Variants in PTK2 observed in about 807,000 individuals in gnomAD.
PTK2 encodes the protein focal adhesion kinase 1.
PTK2 carries 45 observed loss-of-function variants against 150.1 expected under a neutral mutation model. The observed-to-expected ratio is 0.30, with a 90% CI of 0.24 to 0.38. The LOEUF (loss-of-function observed/expected upper bound fraction) is 0.38, where lower values mean the gene tolerates loss of function less well. PTK2 is among the 10% of genes least tolerant of loss of function. The pLI, the probability that PTK2 is intolerant of heterozygous loss-of-function variation, is 1.00. For missense variants in PTK2, 919 were observed against 1,307.3 expected (o/e 0.70, Z 4.58); for synonymous variants, 432 against 449.2 (o/e 0.96, Z 0.48).
intron 31 of PTK2, 57 bp from the exon 36 acceptor site, chr8:140,659,735 T>A: frequency 1.3e-6 from 2 of 1,483,032 alleles, no homozygotes; most frequent in Non-Finnish European, 1.9e-6. Context: ...TTTTTTCTTT[T>A]TTAGAGAGAT....
At chr8:140,762,690 A>G (rs2100070033) in intron 15 of PTK2, among the ~76,000 whole-genome samples, 1 of 152,324 alleles carries the variant, frequency 6.6e-6, no homozygotes, top group East Asian at 1.9e-4. Context: ...TAAATAATAA[A>G]TATACAAATA....
rs578007444 is a variant in PTK2, at chr8:140,893,461, T to C, written c.-32-2692A>G. ...CCCAACAATGAAATATTGTTCAGCATAAAAAGAAACGAAGCACTGATACAT... is the reference window on the plus strand; with the variant it reads ...CCCAACAATGAAATATTGTTCAGCACAAAAAGAAACGAAGCACTGATACAT... On this transcript the variant is annotated intron_variant, in intron 2 of 31. Transcript: ENST00000522684. 3.3e-5 allele frequency among the ~76,000 whole-genome samples: 5 copies of C among 152,254 alleles called. No individual in the cohort carries two copies. The South Asian group carries it at 1.0e-3, about 32-fold the overall frequency.
At chr8:140,927,960 A>AG (rs1569054510) in intron 1 of PTK2, among the ~76,000 whole-genome samples, 30 of 28,784 alleles carry the variant, frequency 1.0e-3, no homozygotes, top group African/African-American at 2.8e-3. Flanking sequence ...AAAAAAAAGA[A>AG]AAAAAAAAAA....
intron 7 of PTK2, among the ~76,000 whole-genome samples, chr8:140,834,511 T>C: frequency 6.6e-6 from 1 of 152,174 alleles, no homozygotes. Flanking sequence ...GTTTCTATGA[T>C]CTATTCACTA....
chr8:140,822,960 C>G (rs1340509015), intron 8 of PTK2, among the ~76,000 whole-genome samples: 1 of 152,180 alleles, frequency 6.6e-6, no homozygotes, highest in Admixed American at 6.5e-5. Flanking sequence ...TCTTTAGTTT[C>G]AAACTTCTAT....
chr8:140,926,065 G>C (rs943995613), intron 1 of PTK2, among the ~76,000 whole-genome samples: 1 of 152,112 alleles, frequency 6.6e-6, no homozygotes, highest in African/African-American at 2.4e-5. Context: ...AGAGAGGCCA[G>C]GTAACTTAAA....
chr8:140,700,333 A>C (rs1462345057), intron 26 of PTK2, among the ~76,000 whole-genome samples: 1 of 151,306 alleles, frequency 6.6e-6, no homozygotes, highest in Non-Finnish European at 1.5e-5. Context: ...ATGCCTGGCT[A>C]ATTTTTTTTT....
chr8:140,983,601 T>C (rs2100192232), intron 1 of PTK2, among the ~76,000 whole-genome samples: 1 of 151,390 alleles, frequency 6.6e-6, no homozygotes, highest in Non-Finnish European at 1.5e-5. Flanking sequence ...TGAAGACGGA[T>C]GGTGTATTCC....
intron 1 of PTK2, among the ~76,000 whole-genome samples, chr8:140,941,131 G>A (rs1470301086): frequency 6.6e-6 from 1 of 152,104 alleles, no homozygotes; most frequent in African/African-American, 2.4e-5. Flanking sequence ...ACACCAACCG[G>A]AACTGTCACC....
intron 14 of PTK2, among the ~76,000 whole-genome samples, chr8:140,788,966 C>T (rs1472278561): frequency 6.6e-6 from 1 of 152,052 alleles, no homozygotes; most frequent in East Asian, 1.9e-4. Flanking sequence ...TATTTTGAAA[C>T]ATACCAAGGA....
intron 14 of PTK2, among the ~76,000 whole-genome samples, chr8:140,782,084 C>T (rs2100082015): frequency 6.6e-6 from 1 of 152,054 alleles, no homozygotes; most frequent in Non-Finnish European, 1.5e-5. Context: ...AGACTGACTA[C>T]CAGAATAATT....
chr8:140,665,331 C>A (rs763797834), intron 30 of PTK2, among the ~76,000 whole-genome samples: 6 of 152,084 alleles, frequency 3.9e-5, no homozygotes, highest in Non-Finnish European at 8.8e-5. Context: ...CTGGCTCCAA[C>A]TGCCAACCCT....
chr8:140,970,909 CAAAA>C (rs2100187026), intron 1 of PTK2, among the ~76,000 whole-genome samples: 1 of 149,672 alleles, frequency 6.7e-6, no homozygotes, highest in Non-Finnish European at 1.5e-5. Context: ...AACCAAAAAA[CAAAA>C]AACTTGCTTA....
At chr8:140,726,359 A>C (rs1172028375) in intron 22 of PTK2, among the ~76,000 whole-genome samples, 1 of 152,200 alleles carries the variant, frequency 6.6e-6, no homozygotes, top group African/African-American at 2.4e-5. Context: ...AGAAACAATG[A>C]TCTAAGTTTT....
intron 16 of PTK2, among the ~76,000 whole-genome samples, chr8:140,754,618 C>T (rs1197737895): frequency 1.3e-5 from 2 of 152,172 alleles, no homozygotes; most frequent in Admixed American, 6.5e-5. Context: ...TTAAGACAGT[C>T]TAAGGAAATG....
rs549933158 is a variant in PTK2, at chr8:140,895,063, C to T, written c.-32-4294G>A. ...AGTATATTCTGTGTCTAGCATTAGG[C>T]TAGACAACAATTACAAAATAACTAG... On this transcript the variant is annotated intron_variant, in intron 2 of 31. Coordinates refer to ENST00000522684, the Ensembl canonical transcript of PTK2. Among the ~76,000 whole-genome samples, 6 of 152,182 alleles carry T rather than the reference C, an allele frequency of 3.9e-5. No individual in the cohort carries two copies. In the South Asian group the frequency reaches 1.2e-3, roughly 32 times the overall value.
chr8:140,824,247 G>A (rs4551415), intron 8 of PTK2, among the ~76,000 whole-genome samples: 5,291 of 152,268 alleles, frequency 0.035, 247 homozygotes, highest in African/African-American at 0.1. Context: ...AATGTTAAGA[G>A]ACAATCTGGA....
At chr8:140,819,171 G>T in intron 8 of PTK2, 151 bp from the exon 9 acceptor site, 1 of 791,858 alleles carries the variant, frequency 1.3e-6, no homozygotes, top group Non-Finnish European at 1.9e-6. Context: ...AACTATAAAT[G>T]TATTTATCAA....
chr8:140,757,513 GT>G (rs1041462602), intron 16 of PTK2, among the ~76,000 whole-genome samples: 65 of 152,098 alleles, frequency 4.3e-4, no homozygotes, highest in African/African-American at 1.2e-3. Flanking sequence ...GCAATTATCT[GT>G]TATCTTTGAT....
Sources: gnomAD v4.1 joint callset for allele counts (sites outside exome capture counted in the v4.1 genomes callset) on GRCh38, gnomAD v4.1.1 for gene constraint, MANE v1.5 for transcripts, NCBI Gene and HGNC (gene_info 2026-07-23, HGNC 2026-07-21) for gene names.